Variants in PCSK2 observed in about 807,000 individuals in gnomAD.
The protein encoded by PCSK2 is neuroendocrine convertase 2.
In PCSK2, 14 loss-of-function variants were observed where a neutral mutation model predicts 69.7. The observed-to-expected ratio is 0.20, with a 90% CI of 0.13 to 0.31. The LOEUF (loss-of-function observed/expected upper bound fraction) is 0.31. Ranked by LOEUF, PCSK2 falls within the 10% of genes least tolerant of loss-of-function variation. The pLI, the probability that PCSK2 is intolerant of heterozygous loss-of-function variation, is 1.00. For synonymous variants in PCSK2, 307 were observed against 320.7 expected, an observed-to-expected ratio of 0.96 and a Z score of 0.46; for missense variants, 544 against 842.5, an observed-to-expected ratio of 0.65 and a Z score of 4.39.
intron 5 of PCSK2, among the ~76,000 whole-genome samples, chr20:17,379,006 C>A (rs1030445647): frequency 8.5e-5 from 13 of 152,126 alleles, no homozygotes; most frequent in East Asian, 1.9e-4. Context: ...GGTGACCAAG[C>A]CTTACAAATA....
chr20:17,325,174 G>A (rs1990003952), intron 2 of PCSK2, among the ~76,000 whole-genome samples: 1 of 152,036 alleles, frequency 6.6e-6, no homozygotes, highest in Non-Finnish European at 1.5e-5. Flanking sequence ...CAAGAAGTCA[G>A]CTCCCTGTGG....
At chr20:17,477,329 TTTTATTTA>T (rs150620273) in intron 11 of PCSK2, among the ~76,000 whole-genome samples, 1 of 150,510 alleles carries the variant, frequency 6.6e-6, no homozygotes, top group African/African-American at 2.5e-5. Context: ...TTTTATTTTA[TTTTATTTA>T]TTTATTTATT....
chr20:17,388,535 TA>T (rs1384823398), intron 5 of PCSK2, among the ~76,000 whole-genome samples: 1 of 152,086 alleles, frequency 6.6e-6, no homozygotes, highest in East Asian at 1.9e-4. Flanking sequence ...ACACCTAACA[TA>T]AGATGATATC....
chr20:17,260,070 G>A (rs1219973959), intron 1 of PCSK2, among the ~76,000 whole-genome samples, 170 bp from the exon 2 acceptor site: 2 of 152,024 alleles, frequency 1.3e-5, no homozygotes, highest in Non-Finnish European at 2.9e-5. Flanking sequence ...AAGAGAAGGA[G>A]GACATTGATA....
At chr20:17,468,810 T>A (rs1568663205) in intron 11 of PCSK2, among the ~76,000 whole-genome samples, 1 of 152,100 alleles carries the variant, frequency 6.6e-6, no homozygotes, top group Non-Finnish European at 1.5e-5. Flanking sequence ...CCACCATAGG[T>A]CAGCATCCTC....
At chr20:17,443,318 G>C (rs1021070469) in intron 8 of PCSK2, among the ~76,000 whole-genome samples, 4 of 152,210 alleles carry the variant, frequency 2.6e-5, no homozygotes, top group Admixed American at 2.6e-4. Flanking sequence ...GGTTTACAGA[G>C]AATGTCTGCC....
At chr20:17,344,062 A>G (rs1990582451) in intron 2 of PCSK2, among the ~76,000 whole-genome samples, 1 of 152,220 alleles carries the variant, frequency 6.6e-6, no homozygotes, top group Non-Finnish European at 1.5e-5. Context: ...CTAATCTAAG[A>G]GCATGGATTG....
rs1035446022 is a variant in PCSK2 at position 17,344,750 on chromosome 20, T to C, written c.283-13577T>C. Among the ~76,000 whole-genome samples, 7 of 152,164 alleles carry C rather than the reference T, an allele frequency of 4.6e-5. No individual in the cohort carries two copies. In the East Asian group the frequency reaches 7.7e-4, roughly 17 times the overall value. ...CCAAACACATGCCAAGCATAAAAAA[T>C]GTGCCTAGAAAAACAAATAACTTTG... On this transcript the variant is annotated intron_variant, in intron 2 of 11. Coordinates refer to ENST00000262545, the MANE Select transcript of PCSK2 (RefSeq NM_002594.5).
chr20:17,278,022 A>G (rs965658265), intron 2 of PCSK2, among the ~76,000 whole-genome samples: 4 of 152,166 alleles, frequency 2.6e-5, no homozygotes, highest in African/African-American at 7.2e-5. Context: ...ACAATGAGAT[A>G]CCATCTCACA....
Position 17,316,638 on chromosome 20 carries a change from T to C in PCSK2, c.283-41689T>C, listed in dbSNP as rs1203893993. Among the ~76,000 whole-genome samples, 3 of 152,324 alleles carry C rather than the reference T, an allele frequency of 2.0e-5. No homozygotes were observed. In the South Asian group the frequency reaches 6.2e-4, roughly 32 times the overall value. ...ATTCAGGATGGAATCTTACAGGAGATACACAGTCCTATAAAAAGTTAGAAT... is the reference window on the plus strand; with the variant it reads ...ATTCAGGATGGAATCTTACAGGAGACACACAGTCCTATAAAAAGTTAGAAT... On this transcript the variant is annotated intron_variant, in intron 2 of 11. Transcript: ENST00000262545.
At chr20:17,270,734 C>T (rs117288817) in intron 2 of PCSK2, among the ~76,000 whole-genome samples, 118 of 151,956 alleles carry the variant, frequency 7.8e-4, no homozygotes, top group Admixed American at 3.9e-3. Context: ...GTTTCTTCTC[C>T]CAACAGAAGC....
rs1294397238 is a variant in PCSK2 at position 17,481,863 on chromosome 20, G to A, written c.1710G>A (p.Leu570=). Residue 570 remains leucine (L), a synonymous_variant, in exon 12 of 12, where the codon CTG becomes CTA. Transcript: ENST00000262545. ...WGEDARGTWT[L]ELGFVGSAPQ... ...AAGACGCCCGAGGCACCTGGACCCTGGAGCTGGGATTTGTCGGCAGCGCCC... is the reference window on the plus strand; with the variant it reads ...AAGACGCCCGAGGCACCTGGACCCTAGAGCTGGGATTTGTCGGCAGCGCCC... The A allele has an allele frequency of 1.2e-6, 2 of 1,613,962 alleles. No individual in the cohort carries two copies. The highest frequency in any genetic ancestry group is 1.3e-5 in the African/African-American group (1 of 74,924).
At chr20:17,344,703 C>T (rs967612214) in intron 2 of PCSK2, among the ~76,000 whole-genome samples, 1 of 152,206 alleles carries the variant, frequency 6.6e-6, no homozygotes, top group Non-Finnish European at 1.5e-5. Flanking sequence ...TAGCAAATAA[C>T]TGGTGGGTGT....
intron 11 of PCSK2, among the ~76,000 whole-genome samples, chr20:17,479,769 C>A (rs144775235): frequency 0.01 from 1,460 of 142,990 alleles, 15 homozygotes; most frequent in African/African-American, 0.036. Context: ...TGCACTCCAG[C>A]CTGGGCGACA....
chr20:17,362,022 C>T (rs1325609903), intron 4 of PCSK2, among the ~76,000 whole-genome samples: 2 of 152,216 alleles, frequency 1.3e-5, no homozygotes, highest in Non-Finnish European at 2.9e-5. Context: ...GTATCCCCAG[C>T]CGGGGATCAG....
chr20:17,363,018 G>T (rs1408700674), intron 4 of PCSK2, among the ~76,000 whole-genome samples: 2 of 152,236 alleles, frequency 1.3e-5, no homozygotes, highest in Non-Finnish European at 2.9e-5. Context: ...CGCATGAATG[G>T]TATGGTGCCA....
At chr20:17,337,667 C>T (rs945966481) in intron 2 of PCSK2, among the ~76,000 whole-genome samples, 1 of 151,918 alleles carries the variant, frequency 6.6e-6, no homozygotes, top group Admixed American at 6.6e-5. Flanking sequence ...GACTCAGGCC[C>T]GTATCACAAC....
At chr20:17,302,794 A>T (rs1393138030) in intron 2 of PCSK2, among the ~76,000 whole-genome samples, 1 of 152,192 alleles carries the variant, frequency 6.6e-6, no homozygotes, top group Non-Finnish European at 1.5e-5. Flanking sequence ...CTGGTTACGA[A>T]TAGCATGGAA....
intron 5 of PCSK2, among the ~76,000 whole-genome samples, chr20:17,389,319 C>G (rs1213719487): frequency 2.6e-5 from 4 of 152,128 alleles, no homozygotes; most frequent in African/African-American, 7.2e-5. Flanking sequence ...TTGGAAGGAA[C>G]AGCCGTGGTC....
Sources: gnomAD v4.1 joint callset for allele counts (sites outside exome capture counted in the v4.1 genomes callset) on GRCh38, gnomAD v4.1.1 for gene constraint, MANE v1.5 for transcripts, NCBI Gene and HGNC (gene_info 2026-07-23, HGNC 2026-07-21) for gene names.